NNT: variants seen among roughly 807,000 people sequenced by gnomAD.
NNT encodes the protein NAD(P) transhydrogenase, mitochondrial.
Under a neutral mutation model 104.8 loss-of-function variants are expected in NNT, and 50 were observed. That is an observed-to-expected ratio of 0.48 (90% CI 0.38 to 0.60). The LOEUF is 0.60. Among genes scored for constraint, NNT ranks in the 20% least tolerant of loss-of-function variants. The probability of loss-of-function intolerance (pLI) is 0.00; values close to 1 mark genes in which losing one functional copy is unlikely to be tolerated. For synonymous variants in NNT, 461 were observed against 490.4 expected (o/e 0.94, Z 0.79); for missense variants, 1,131 against 1,330.7 (o/e 0.85, Z 2.33).
At position 43,644,761 on chromosome 5, in the gene NNT, G is replaced by T. The variant is rs754827505; in HGVS notation, c.1249G>T (p.Gly417Cys). The change falls in exon 9 of 22, where the codon GGT (glycine) becomes TGT (cysteine). Residue 417 changes from glycine to cysteine, a missense_variant. By Grantham distance (159) the Gly-to-Cys change is radical. Coordinates refer to ENST00000344920, the MANE Select transcript of NNT (RefSeq NM_182977.3). The part of the protein sequence containing the change: ...YFDVKDDFDF[G>C]TMGHVIRGTV... ...TGATGTGAAAGATGACTTTGACTTT[G>T]GTACGATGGGTCATGTCATTAGAGG... 6.2e-7 allele frequency: 1 copy of T among 1,614,096 alleles called. No individual in the cohort carries two copies.
At chr5:43,687,401 A>T (rs1270413752) in intron 19 of NNT, among the ~76,000 whole-genome samples, 1 of 152,170 alleles carries the variant, frequency 6.6e-6, no homozygotes, top group African/African-American at 2.4e-5. Flanking sequence ...TCATGTGATG[A>T]TGGAATATCG....
At chr5:43,652,004 AAC>A in intron 13 of NNT, 120 bp downstream of exon 13, 2 of 1,056,156 alleles carry the variant, frequency 1.9e-6, no homozygotes, top group Non-Finnish European at 2.8e-6. Context: ...AAGCAAATAC[AAC>A]AATAACCCTA....
In NNT at chr5:43,706,473, A is replaced by C. The variant is rs1352130089; in HGVS notation, c.*2069A>C. ...ACCTTATAGTCTGTCACCAAAAAAA[A>C]AAAATTATCTGTAGGTAGTGAAATG... On this transcript the variant is annotated 3_prime_UTR_variant, in exon 22 of 22. Transcript: ENST00000344920. 6.6e-6 allele frequency: 1 copy of C among 152,026 alleles called. No individual in the cohort carries two copies. The highest frequency in any genetic ancestry group is 1.5e-5 in the Non-Finnish European group (1 of 67,968). The allele number at this position is 152,026 out of a possible 1,614,324, so 9.4% of individuals were successfully genotyped here. A position where few individuals can be genotyped will look rare whatever the true frequency, so the allele number is the denominator to read the frequency against.
chr5:43,634,382 C>T (rs1005236280), intron 7 of NNT, among the ~76,000 whole-genome samples: 3 of 149,410 alleles, frequency 2.0e-5, no homozygotes, highest in Non-Finnish European at 2.9e-5. Flanking sequence ...TAACTATACT[C>T]TCTAGTTGTG....
At chr5:43,634,534 T>C (rs1438100677) in intron 7 of NNT, among the ~76,000 whole-genome samples, 1 of 152,234 alleles carries the variant, frequency 6.6e-6, no homozygotes, top group Non-Finnish European at 1.5e-5. Flanking sequence ...CCAATTCTTT[T>C]ATATTACTTT....
intron 1 of NNT, among the ~76,000 whole-genome samples, chr5:43,607,937 CT>C (rs35612406): frequency 4.0e-5 from 6 of 148,604 alleles, no homozygotes; most frequent in Admixed American, 6.7e-5. Flanking sequence ...GCTTTCTATT[CT>C]TTTTTTTTTT....
At chr5:43,620,365 G>A (rs568228071) in intron 5 of NNT, among the ~76,000 whole-genome samples, 14 of 152,130 alleles carry the variant, frequency 9.2e-5, no homozygotes, top group African/African-American at 2.9e-4. Context: ...GACTATGGGC[G>A]CCGGCCACCA....
chr5:43,690,250 A>G (rs1380883374), intron 19 of NNT, among the ~76,000 whole-genome samples: 1 of 151,774 alleles, frequency 6.6e-6, no homozygotes, highest in Admixed American at 6.6e-5. Context: ...TTTTTAGTCC[A>G]GGGAAACTGA....
intron 11 of NNT, 97 bp from the exon 12 acceptor site, chr5:43,650,380 A>G (rs1739691265): frequency 4.9e-6 from 4 of 814,866 alleles, no homozygotes; most frequent in Non-Finnish European, 6.1e-6. Context: ...TGAGAACTTT[A>G]CCCTCTATGA....
intron 17 of NNT, among the ~76,000 whole-genome samples, chr5:43,670,121 G>A (rs973764031): frequency 2.6e-5 from 4 of 152,148 alleles, no homozygotes; most frequent in Admixed American, 6.5e-5. Flanking sequence ...TGGGATTGGT[G>A]GTGATATTCT....
In NNT at chr5:43,649,202, G is replaced by A. The variant is rs373184880; in HGVS notation, c.1500G>A (p.Gln500=). 36 of 1,614,100 alleles carry A rather than the reference G, an allele frequency of 2.2e-5. No homozygotes were observed. In the African/African-American group the frequency reaches 3.2e-4, roughly 14 times the overall value. The stretch of plus-strand genomic sequence containing the variant: ...CGGCTCCCAATCTAGCCTTTTCTCA[G>A]ATGGTGACCACTTTTGGCTTGGCTG... ...GIAAPNLAFS[Q]MVTTFGLAGI... The change falls in exon 11 of 22, where the codon CAG becomes CAA. Residue 500 remains glutamine, a synonymous_variant. Coordinates refer to ENST00000344920, the MANE Select transcript of NNT (RefSeq NM_182977.3).
intron 17 of NNT, among the ~76,000 whole-genome samples, chr5:43,662,655 G>A (rs890250710): frequency 1.3e-5 from 2 of 152,168 alleles, no homozygotes; most frequent in African/African-American, 4.8e-5. Flanking sequence ...CACTTTGGGA[G>A]GCTAAGGCAG....
intron 20 of NNT, among the ~76,000 whole-genome samples, chr5:43,700,651 T>G (rs1742800638): frequency 1.3e-5 from 2 of 152,230 alleles, no homozygotes; most frequent in African/African-American, 4.8e-5. Flanking sequence ...TTTACTGGTT[T>G]TCAATTGTAC....
At chr5:43,677,578 C>T in intron 18 of NNT, 147 bp from the exon 19 acceptor site, 1 of 631,962 alleles carries the variant, frequency 1.6e-6, no homozygotes, top group Non-Finnish European at 2.7e-6. Flanking sequence ...TTTAAAAGCC[C>T]AGCTTATAAA....
At position 43,692,749 on chromosome 5, in the gene NNT, T is replaced by C. The variant is rs186256252; in HGVS notation, c.2877-7370T>C. Among the ~76,000 whole-genome samples the C allele has an allele frequency of 3.6e-3, 541 of 152,338 alleles. 2 individuals are homozygous for C. Among genetic ancestry groups the C allele is most frequent in the African/African-American group, 0.012 (516 of 41,580 alleles). On this transcript the variant is annotated intron_variant, in intron 19 of 21. Transcript: ENST00000344920. Reference sequence around the variant, plus strand: ...GGGAGAGTGCTTCTTTCTTTCTTTGTTTATTTCTTACTGACTTATGAATCT... The same window carrying C: ...GGGAGAGTGCTTCTTTCTTTCTTTGCTTATTTCTTACTGACTTATGAATCT...
At chr5:43,633,529 GTTCTT>G (rs371372309) in intron 7 of NNT, among the ~76,000 whole-genome samples, 5 of 152,278 alleles carry the variant, frequency 3.3e-5, no homozygotes, top group African/African-American at 1.2e-4. Flanking sequence ...CAGCAGTAGT[GTTCTT>G]TTTTCTTTTT....
At chr5:43,666,790 T>G in intron 17 of NNT, 1 of 1,307,824 alleles carries the variant, frequency 7.6e-7, no homozygotes, top group African/African-American at 1.4e-5. Flanking sequence ...TGTAGGGGCC[T>G]CGGTACCTTT....
At chr5:43,658,420 A>C (rs1740173317) in intron 16 of NNT, among the ~76,000 whole-genome samples, 1 of 152,238 alleles carries the variant, frequency 6.6e-6, no homozygotes, top group Non-Finnish European at 1.5e-5. Flanking sequence ...GGACATTGTT[A>C]ATGATACATT....
chr5:43,653,373 A>G (rs1739867338), intron 14 of NNT, 160 bp downstream of exon 14: 2 of 663,282 alleles, frequency 3.0e-6, no homozygotes, highest in Non-Finnish European at 5.0e-6. Flanking sequence ...TTCTCATTCA[A>G]ATACATTTTA....
Sources: gnomAD v4.1 joint callset for allele counts (sites outside exome capture counted in the v4.1 genomes callset) on GRCh38, gnomAD v4.1.1 for gene constraint, MANE v1.5 for transcripts, NCBI Gene and HGNC (gene_info 2026-07-23, HGNC 2026-07-21) for gene names.